Variants in NCOR1 observed in about 807,000 individuals in gnomAD.
NCOR1 encodes nuclear receptor corepressor 1.
A neutral mutation model predicts 288.1 loss-of-function variants in NCOR1; 63 were observed. The ratio of observed to expected loss-of-function variants is 0.22; its 90% CI spans 0.18 to 0.27. The LOEUF (loss-of-function observed/expected upper bound fraction) is 0.27, where lower values mean the gene tolerates loss of function less well. Ranked by LOEUF, NCOR1 falls within the 10% of genes least tolerant of loss-of-function variation. The probability of loss-of-function intolerance (pLI) is 1.00; values close to 1 mark genes in which losing one functional copy is unlikely to be tolerated. For missense variants in NCOR1, 2,397 were observed against 3,019.2 expected (o/e 0.79, Z 4.83); for synonymous variants, 1,007 against 1,065.9 (o/e 0.94, Z 1.08).
chr17:16,095,975 T>C (rs1439379454), intron 21 of NCOR1, among the ~76,000 whole-genome samples: 2 of 152,180 alleles, frequency 1.3e-5, no homozygotes, highest in Non-Finnish European at 2.9e-5. Context: ...CATTTTGTTC[T>C]GTACTAAGAA....
At chr17:16,172,149 T>C in intron 3 of NCOR1, 154 bp from the exon 4 acceptor site, 2 of 553,664 alleles carry the variant, frequency 3.6e-6, no homozygotes, top group Non-Finnish European at 3.1e-6. Flanking sequence ...CCCCAAAGAA[T>C]ATATACCTCA....
At chr17:16,092,681 ATATATATATATATATTTT>A (rs1420620627) in intron 21 of NCOR1, among the ~76,000 whole-genome samples, 375 of 19,950 alleles carry the variant, frequency 0.019, 33 homozygotes, top group African/African-American at 0.083. Context: ...ATATATATAT[ATATATATATATATATTTT>A]TTTTTTTTTT....
chr17:16,075,798 A>C, intron 26 of NCOR1, 96 bp from the exon 27 acceptor site: 1 of 1,330,178 alleles, frequency 7.5e-7, no homozygotes, highest in Non-Finnish European at 1.0e-6. Context: ...GAGTCAGGCT[A>C]ATCTATAGCT....
At chr17:16,078,446 C>CT (rs1302590415) in intron 26 of NCOR1, among the ~76,000 whole-genome samples, 4 of 152,218 alleles carry the variant, frequency 2.6e-5, no homozygotes, top group African/African-American at 4.8e-5. Flanking sequence ...AGTTCATACT[C>CT]TTTCTTCCCA....
intron 1 of NCOR1, among the ~76,000 whole-genome samples, chr17:16,204,815 G>C (rs1451448370): frequency 6.6e-6 from 1 of 152,224 alleles, no homozygotes; most frequent in Non-Finnish European, 1.5e-5. Flanking sequence ...AAGGTGTACA[G>C]AGATTAAATA....
chr17:16,195,915 CATAT>C (rs914534389), intron 1 of NCOR1, among the ~76,000 whole-genome samples: 7 of 151,914 alleles, frequency 4.6e-5, no homozygotes, highest in Non-Finnish European at 1.0e-4. Context: ...ATTTTACATA[CATAT>C]GATAGAGAAT....
intron 40 of NCOR1, 177 bp from the exon 41 acceptor site, chr17:16,049,165 C>T: frequency 4.3e-6 from 2 of 462,294 alleles, no homozygotes; most frequent in South Asian, 1.0e-4. Flanking sequence ...AAACAAACAA[C>T]AACAAAAAAA....
At chr17:16,211,288 GCTCTGT>G (rs2092106240) in intron 1 of NCOR1, among the ~76,000 whole-genome samples, 1 of 150,022 alleles carries the variant, frequency 6.7e-6, no homozygotes, top group Admixed American at 6.7e-5. Flanking sequence ...AGACAGTCTT[GCTCTGT>G]CACCCAGTCT....
Position 16,073,580 on chromosome 17 carries a change from C to T in NCOR1, c.3671-11G>A. On this transcript the variant is annotated splice_polypyrimidine_tract_variant and intron_variant, in intron 27 of 45. Transcript: ENST00000268712. ...GGGCATTCTTAATATCTACAGAATA[C>T]ACAAACAAGACTTGCTCAGACGGAG... is the stretch of plus-strand genomic sequence containing the variant. 1 of 1,588,354 alleles carries T rather than the reference C, an allele frequency of 6.3e-7. No individual in the cohort carries two copies. Among genetic ancestry groups the T allele is most frequent in the African/African-American group, 1.3e-5 (1 of 74,134 alleles).
intron 1 of NCOR1, among the ~76,000 whole-genome samples, chr17:16,199,851 G>C (rs1294785134): frequency 1.3e-5 from 2 of 152,066 alleles, no homozygotes; most frequent in African/African-American, 4.8e-5. Context: ...GAATAATATA[G>C]TAATAATTAT....
At chr17:16,212,216 A>G (rs1001042109) in intron 1 of NCOR1, among the ~76,000 whole-genome samples, 2 of 152,044 alleles carry the variant, frequency 1.3e-5, no homozygotes, top group African/African-American at 4.8e-5. Context: ...AGTGAGCCTG[A>G]GATCACGCCA....
At position 16,149,521 on chromosome 17, in the gene NCOR1, G is replaced by T; in HGVS notation, c.843-4C>A. 1 of 1,458,716 alleles carries T rather than the reference G, an allele frequency of 6.9e-7. No homozygotes were observed. The highest frequency in any genetic ancestry group is 9.4e-7 in the Non-Finnish European group (1 of 1,066,340). The allele number at this position is 1,458,716 out of a possible 1,614,324, so 90.4% of individuals were successfully genotyped here. A position where few individuals can be genotyped will look rare whatever the true frequency, so the allele number is the denominator to read the frequency against. On this transcript the variant is annotated splice_region_variant and splice_polypyrimidine_tract_variant and intron_variant, in intron 8 of 45. Coordinates refer to ENST00000268712, the MANE Select transcript of NCOR1 (RefSeq NM_006311.4). ...TTTTTTCCTCATCACCTGGTTTCTA[G>T]AAGAGAAAAATATGGTTGCATGACA...
chr17:16,075,667 T>C lies in NCOR1; in HGVS notation c.3537A>G (p.Thr1179=). The change falls in exon 27 of 46, where the codon ACA becomes ACG. Residue 1179 remains threonine, a synonymous_variant. Transcript: ENST00000268712. Reference sequence around the variant, plus strand: ...AAATGGACCCCTTCACCAAAGCCTCTGTTGGTATGCCAGTCTGGGGCAGAG... The same window carrying C: ...AAATGGACCCCTTCACCAAAGCCTCCGTTGGTATGCCAGTCTGGGGCAGAG... The part of the protein sequence containing the change: ...TPALPQTGIP[T]EALVKGSISR... 1 of 1,614,236 alleles carries C rather than the reference T, an allele frequency of 6.2e-7. No homozygotes were observed. The highest frequency in any genetic ancestry group is 8.5e-7 in the Non-Finnish European group (1 of 1,180,044).
chr17:16,039,452 C>A lies in NCOR1; in HGVS notation c.6936G>T (p.Gly2312=). The A allele has an allele frequency of 6.2e-7, 1 of 1,613,888 alleles. No individual in the cohort carries two copies. Among genetic ancestry groups the A allele is most frequent in the South Asian group, 1.1e-5 (1 of 91,052 alleles). Residue 2312 remains glycine (G), a synonymous_variant, in exon 44 of 46, where the codon GGG becomes GGT. Coordinates refer to ENST00000268712, the MANE Select transcript of NCOR1 (RefSeq NM_006311.4). ...CTGTACCTGAATGAGGTGATGGGTC[C>A]CCTTCCTCTCTTCGTGTCTCACCAC... ...VTSGETRREE[G]DPSPHSGGVC...
In NCOR1 at chr17:16,126,221, C is replaced by T; in HGVS notation, c.1510-15G>A. On this transcript the variant is annotated splice_polypyrimidine_tract_variant and intron_variant, in intron 14 of 45. Coordinates refer to ENST00000268712, the MANE Select transcript of NCOR1 (RefSeq NM_006311.4). ...CGAGCAATTTGCTGCTAGAATGAAC[C>T]ATCATTTGTAAAATTCAAAGGCAAA... The T allele has an allele frequency of 6.7e-7, 1 of 1,499,318 alleles. No individual in the cohort carries two copies. Among genetic ancestry groups the T allele is most frequent in the Non-Finnish European group, 8.9e-7 (1 of 1,129,604 alleles). The allele number at this position is 1,499,318 out of a possible 1,614,324, so 92.9% of individuals were successfully genotyped here. A position where few individuals can be genotyped will look rare whatever the true frequency, so the allele number is the denominator to read the frequency against.
At chr17:16,083,187 C>A (rs925394007) in intron 23 of NCOR1, among the ~76,000 whole-genome samples, 1 of 151,284 alleles carries the variant, frequency 6.6e-6, no homozygotes, top group Admixed American at 6.6e-5. Flanking sequence ...GAGCCGAGAT[C>A]GTGTCACTGC....
chr17:16,186,492 T>C, intron 3 of NCOR1, 62 bp downstream of exon 3: 2 of 1,505,322 alleles, frequency 1.3e-6, no homozygotes, highest in Non-Finnish European at 1.8e-6. Context: ...AATAAAATAA[T>C]GACAAACTTG....
chr17:16,098,959 T>C (rs752685563), intron 20 of NCOR1, among the ~76,000 whole-genome samples: 1 of 152,254 alleles, frequency 6.6e-6, no homozygotes, highest in Admixed American at 6.5e-5. Context: ...TAAAAACTAG[T>C]TACCTGTTAG....
intron 14 of NCOR1, among the ~76,000 whole-genome samples, chr17:16,126,950 T>C (rs1163314358): frequency 6.6e-6 from 1 of 152,108 alleles, no homozygotes; most frequent in African/African-American, 2.4e-5. Flanking sequence ...AGTATGAAAA[T>C]GGGTAAGTGT....
Sources: gnomAD v4.1 joint callset for allele counts (sites outside exome capture counted in the v4.1 genomes callset) on GRCh38, gnomAD v4.1.1 for gene constraint, MANE v1.5 for transcripts, NCBI Gene and HGNC (gene_info 2026-07-23, HGNC 2026-07-21) for gene names.